MAPK4: variants seen among roughly 807,000 people sequenced by gnomAD.
The protein encoded by MAPK4 is mitogen-activated protein kinase 4.
A neutral mutation model predicts 47.7 loss-of-function variants in MAPK4; 22 were observed. The ratio of observed to expected loss-of-function variants is 0.46; its 90% CI spans 0.33 to 0.66. The LOEUF is 0.66. MAPK4 is among the 30% of genes least tolerant of loss of function. The pLI is 0.02. For synonymous variants in MAPK4, 390 were observed against 365.7 expected, an observed-to-expected ratio of 1.07 and a Z score of -0.76; for missense variants, 736 against 831.7, an observed-to-expected ratio of 0.88 and a Z score of 1.42.
At chr18:50,652,046 A>G (rs1017412713) in intron 1 of MAPK4, among the ~76,000 whole-genome samples, 1 of 152,212 alleles carries the variant, frequency 6.6e-6, no homozygotes, top group African/African-American at 2.4e-5. Context: ...CTGGAAGCAC[A>G]TCTGTATTGC....
At chr18:50,628,866 C>T (rs2144147492) in intron 1 of MAPK4, among the ~76,000 whole-genome samples, 1 of 152,304 alleles carries the variant, frequency 6.6e-6, no homozygotes, top group Non-Finnish European at 1.5e-5. Flanking sequence ...TTGTTCAACC[C>T]ATTTGTTTGA....
chr18:50,726,147 C>T lies in MAPK4; in HGVS notation c.1039C>T (p.Leu347=), dbSNP rs774157247. 3.7e-6 allele frequency: 6 copies of T among 1,614,000 alleles called. No homozygotes were observed. Among genetic ancestry groups the T allele is most frequent in the East Asian group, 4.5e-5 (2 of 44,896 alleles). ...IVLMAANQSQ[L]SNWDTCSSRY... Reference sequence around the variant, plus strand: ...GCTGATGGCCGCTAACCAGAGCCAGCTGTCCAACTGGGACACGTGCAGTTC... The same window carrying T: ...GCTGATGGCCGCTAACCAGAGCCAGTTGTCCAACTGGGACACGTGCAGTTC... The change falls in exon 5 of 6, where the codon CTG becomes TTG. Residue 347 remains leucine (L), a synonymous_variant. Transcript: ENST00000400384.
intron 2 of MAPK4, among the ~76,000 whole-genome samples, chr18:50,673,010 C>T (rs2144286450): frequency 6.6e-6 from 1 of 152,360 alleles, no homozygotes; most frequent in African/African-American, 2.4e-5. Flanking sequence ...GGCATAGTGG[C>T]TCACGCCTGT....
Position 50,729,159 on chromosome 18 carries a change from T to C in MAPK4, c.1069T>C (p.Tyr357His). 6.4e-7 allele frequency: 1 copy of C among 1,570,554 alleles called. No individual in the cohort carries two copies. Among genetic ancestry groups the C allele is most frequent in the African/African-American group, 1.3e-5 (1 of 74,286 alleles). Residue 357 changes from tyrosine (Y) to histidine (H), a missense_variant and splice_region_variant, in exon 6 of 6, where the codon TAC (tyrosine) becomes CAC (histidine). Physicochemically the swap from Tyr to His is moderately conservative, Grantham distance 83. Transcript: ENST00000400384. ...LSNWDTCSSR[Y>H]PVSLSSDLEW... ...ACCGCTCTGTTTGTACCCTTGCAGG[T>C]ACCCTGTGAGCCTGTCGTCGGACCT...
chr18:50,684,444 G>C (rs1035856823), intron 2 of MAPK4, among the ~76,000 whole-genome samples: 2 of 151,814 alleles, frequency 1.3e-5, no homozygotes. Context: ...TACTCAGGAG[G>C]CTGAGGCAGG....
intron 2 of MAPK4, among the ~76,000 whole-genome samples, chr18:50,695,011 C>G (rs1035099657): frequency 1.3e-5 from 2 of 152,090 alleles, no homozygotes; most frequent in African/African-American, 4.8e-5. Flanking sequence ...TACTGTTGCT[C>G]TCTGCCTGTC....
intron 1 of MAPK4, among the ~76,000 whole-genome samples, chr18:50,643,523 TAAATA>T (rs2042959691): frequency 6.6e-6 from 1 of 152,214 alleles, no homozygotes; most frequent in Admixed American, 6.5e-5. Context: ...ACTCCATCTC[TAAATA>T]AAATAAAATA....
intron 1 of MAPK4, among the ~76,000 whole-genome samples, chr18:50,581,592 T>C (rs1409706049): frequency 6.6e-6 from 1 of 152,222 alleles, no homozygotes; most frequent in Non-Finnish European, 1.5e-5. Context: ...CTCAACTTTG[T>C]GAAGAGAGTG....
At chr18:50,607,225 C>G (rs2042590391) in intron 1 of MAPK4, among the ~76,000 whole-genome samples, 4 of 152,094 alleles carry the variant, frequency 2.6e-5, no homozygotes, top group Non-Finnish European at 4.4e-5. Flanking sequence ...TTCAATAATT[C>G]CTTCTCACAA....
At chr18:50,589,392 C>A (rs1318124158) in intron 1 of MAPK4, among the ~76,000 whole-genome samples, 1 of 151,992 alleles carries the variant, frequency 6.6e-6, no homozygotes, top group East Asian at 1.9e-4. Context: ...GTCAGGAGAT[C>A]GAGACCATCC....
At chr18:50,570,181 G>T (rs2042237506) in intron 1 of MAPK4, among the ~76,000 whole-genome samples, 1 of 152,238 alleles carries the variant, frequency 6.6e-6, no homozygotes, top group Admixed American at 6.5e-5. Context: ...TGTGACTAGA[G>T]AACTTTATCT....
At position 50,679,352 on chromosome 18, in the gene MAPK4, G is replaced by A. The variant is rs992705873; in HGVS notation, c.546+14848G>A. 5.9e-5 allele frequency among the ~76,000 whole-genome samples: 9 copies of A among 152,304 alleles called. 1 individual carries two copies. The highest frequency in any genetic ancestry group is 4.6e-4 in the Admixed American group (7 of 15,294). On this transcript the variant is annotated intron_variant, in intron 2 of 5. Transcript: ENST00000400384. ...AACCAATTTGCAAATGCTCTGGGTCGGAAGCTAGGGAAGGAGTGATCAGCC... is the reference window on the plus strand; with the variant it reads ...AACCAATTTGCAAATGCTCTGGGTCAGAAGCTAGGGAAGGAGTGATCAGCC...
chr18:50,697,624 C>T (rs993436837), intron 2 of MAPK4, among the ~76,000 whole-genome samples: 11 of 152,144 alleles, frequency 7.2e-5, no homozygotes, highest in African/African-American at 2.7e-4. Context: ...AGATCCACAG[C>T]CTCTGAGGTT....
chr18:50,712,405 C>A (rs533186415), intron 2 of MAPK4, among the ~76,000 whole-genome samples: 1 of 151,846 alleles, frequency 6.6e-6, no homozygotes, highest in Non-Finnish European at 1.5e-5. Context: ...TCAGCCTGGG[C>A]GACAGAATGC....
intron 5 of MAPK4, among the ~76,000 whole-genome samples, chr18:50,727,335 C>T (rs1291471640): frequency 6.6e-6 from 1 of 152,192 alleles, no homozygotes; most frequent in Admixed American, 6.5e-5. Flanking sequence ...CAGCTAGTTA[C>T]ATAAGTGACA....
intron 3 of MAPK4, among the ~76,000 whole-genome samples, chr18:50,717,452 C>T (rs932954696): frequency 2.0e-5 from 3 of 152,092 alleles, no homozygotes; most frequent in Non-Finnish European, 4.4e-5. Context: ...GGCCTAGGCT[C>T]CTGGGGCTAC....
Position 50,729,537 on chromosome 18 carries a change from G to A in MAPK4, c.1447G>A (p.Glu483Lys), listed in dbSNP as rs1331242961. Residue 483 changes from glutamate to lysine, a missense_variant, in exon 6 of 6, where the codon GAG becomes AAG. Physicochemically the swap from Glu to Lys is moderately conservative, Grantham distance 56 (BLOSUM62 1). This residue lies in a region of MAPK4 where 377 missense variants were observed against 378.6 expected (regional missense o/e 1.00). Coordinates refer to ENST00000400384, the MANE Select transcript of MAPK4 (RefSeq NM_002747.4). ...GGGGCTGGCGGACACGGGGGCGCGC[G>A]AGGACGAGCCGGCCAGCCTCTTCCT... ...ATGLADTGAR[E>K]DEPASLFLEI... The A allele has an allele frequency of 2.1e-6, 3 of 1,430,662 alleles. 1 individual carries two copies. The highest frequency in any genetic ancestry group is 3.1e-5 in the South Asian group (2 of 65,480). The allele number at this position is 1,430,662 out of a possible 1,614,324, so 88.6% of individuals were successfully genotyped here. A position where few individuals can be genotyped will look rare whatever the true frequency, so the allele number is the denominator to read the frequency against.
At chr18:50,672,608 C>T (rs1242016475) in intron 2 of MAPK4, among the ~76,000 whole-genome samples, 1 of 152,110 alleles carries the variant, frequency 6.6e-6, no homozygotes, top group African/African-American at 2.4e-5. Context: ...CTCAGAAGAA[C>T]ACCACACCCA....
chr18:50,722,968 T>A (rs541959296), intron 4 of MAPK4, among the ~76,000 whole-genome samples: 76 of 152,152 alleles, frequency 5.0e-4, no homozygotes, highest in Non-Finnish European at 9.8e-4. Flanking sequence ...AGCTTCATTA[T>A]CTAAGAAATG....
Sources: gnomAD v4.1 joint callset for allele counts (sites outside exome capture counted in the v4.1 genomes callset) on GRCh38, gnomAD v4.1.1 for gene constraint, gnomAD v4.1.1 regional missense constraint, MANE v1.5 for transcripts, NCBI Gene and HGNC (gene_info 2026-07-23, HGNC 2026-07-21) for gene names.